ARK2C: variants seen among roughly 807,000 people sequenced by gnomAD.
ARK2C encodes arkadia (RNF111) C-terminal like ring finger ubiquitin ligase 2C.
At chr18:46,361,164 C>G in the ARK2C span, among the ~76,000 whole-genome samples, 1 of 152,116 alleles carries the variant, frequency 6.6e-6, no homozygotes, top group Non-Finnish European at 1.5e-5. Flanking sequence ...TGAGTCTTTT[C>G]TAGTAATACC....
At chr18:46,340,346 C>T in the ARK2C span, among the ~76,000 whole-genome samples, 1 of 152,172 alleles carries the variant, frequency 6.6e-6, no homozygotes, top group African/African-American at 2.4e-5. Context: ...TCATGCAATG[C>T]CTGTACTTCA....
At chr18:46,361,943 A>G in the ARK2C span, among the ~76,000 whole-genome samples, 1 of 152,262 alleles carries the variant, frequency 6.6e-6, no homozygotes, top group Non-Finnish European at 1.5e-5. Flanking sequence ...CCCCACTTAC[A>G]GAAATTAAGA....
chr18:46,432,808 G>A, the ARK2C span, among the ~76,000 whole-genome samples: 3 of 152,176 alleles, frequency 2.0e-5, no homozygotes, highest in Non-Finnish European at 2.9e-5. Context: ...AGCCGGGCGC[G>A]GTGGCGGGCG....
the ARK2C span, among the ~76,000 whole-genome samples, chr18:46,383,550 GTTTTTTTTTTTTT>G: frequency 1.0e-5 from 1 of 97,892 alleles, no homozygotes; most frequent in Non-Finnish European, 2.0e-5. Flanking sequence ...GGTTTTCTCT[GTTTTTTTTTTTTT>G]TTTTTTTTTG....
the ARK2C span, among the ~76,000 whole-genome samples, chr18:46,366,243 G>A: frequency 8.0e-6 from 1 of 124,648 alleles, no homozygotes; most frequent in East Asian, 2.7e-4. Flanking sequence ...AGTGAGCCAA[G>A]ATCACGCCAG....
At chr18:46,394,369 C>T in the ARK2C span, among the ~76,000 whole-genome samples, 2 of 152,126 alleles carry the variant, frequency 1.3e-5, no homozygotes, top group African/African-American at 2.4e-5. Context: ...GCCAGGTGTC[C>T]CTGAAATGTA....
At chr18:46,339,727 A>G in the ARK2C span, among the ~76,000 whole-genome samples, 2 of 152,240 alleles carry the variant, frequency 1.3e-5, no homozygotes, top group African/African-American at 4.8e-5. Context: ...CACTAAGTTA[A>G]TGAGTTTTCT....
the ARK2C span, among the ~76,000 whole-genome samples, chr18:46,367,862 A>G: frequency 6.6e-6 from 1 of 152,168 alleles, no homozygotes; most frequent in Admixed American, 6.5e-5. Flanking sequence ...CTGGATATTC[A>G]TTGCAGTTGG....
chr18:46,422,832 T>C, the ARK2C span, among the ~76,000 whole-genome samples: 1 of 152,222 alleles, frequency 6.6e-6, no homozygotes, highest in Non-Finnish European at 1.5e-5. Context: ...TCTGCAGTGA[T>C]AAGGAACTTT....
the ARK2C span, chr18:46,456,584 A>G: frequency 1.9e-6 from 3 of 1,614,118 alleles, no homozygotes; most frequent in South Asian, 3.3e-5. Flanking sequence ...ATGAGCAAGA[A>G]ATGCCCCATC....
At chr18:46,457,316 G>C in the ARK2C span, 5 of 152,348 alleles carry the variant, frequency 3.3e-5, no homozygotes, top group South Asian at 2.1e-4. Flanking sequence ...GAGGCGGGAG[G>C]GGGGGGTTCT....
At chr18:46,365,089 T>C in the ARK2C span, among the ~76,000 whole-genome samples, 1,408 of 152,326 alleles carry the variant, frequency 9.2e-3, 16 homozygotes, top group African/African-American at 0.029. Flanking sequence ...TCCTGCTTTA[T>C]CACCATTCCC....
At chr18:46,355,874 G>A in the ARK2C span, among the ~76,000 whole-genome samples, 1 of 152,186 alleles carries the variant, frequency 6.6e-6, no homozygotes, top group Admixed American at 6.5e-5. Flanking sequence ...TGCCATGTTG[G>A]GTATGTGACT....
At chr18:46,386,256 G>A in the ARK2C span, 1 of 152,204 alleles carries the variant, frequency 6.6e-6, no homozygotes, top group African/African-American at 2.4e-5. Flanking sequence ...TCTGTAGACT[G>A]TCCGACACCC....
chr18:46,424,540 G>C, the ARK2C span, among the ~76,000 whole-genome samples: 8 of 152,186 alleles, frequency 5.3e-5, no homozygotes, highest in Admixed American at 5.2e-4. Flanking sequence ...TCTCAGGTCT[G>C]CTCTGTCCAG....
At chr18:46,352,579 C>T in the ARK2C span, among the ~76,000 whole-genome samples, 1 of 152,168 alleles carries the variant, frequency 6.6e-6, no homozygotes. Context: ...TCTTGTTGCT[C>T]CACCCTCCCT....
At chr18:46,342,835 C>T in the ARK2C span, among the ~76,000 whole-genome samples, 1 of 152,298 alleles carries the variant, frequency 6.6e-6, no homozygotes, top group Non-Finnish European at 1.5e-5. Context: ...CATAGGAGTC[C>T]ATCCCTCTGT....
At chr18:46,400,714 CCT>C in the ARK2C span, among the ~76,000 whole-genome samples, 1 of 152,132 alleles carries the variant, frequency 6.6e-6, no homozygotes. Flanking sequence ...TGTCGGGAAG[CCT>C]CTGTTGTCTC....
At chr18:46,430,389 C>A in the ARK2C span, among the ~76,000 whole-genome samples, 1 of 152,132 alleles carries the variant, frequency 6.6e-6, no homozygotes, top group Non-Finnish European at 1.5e-5. Context: ...GCTTCAGAAC[C>A]ACCTCTTTGC....
Sources: allele counts gnomAD v4.1 joint callset (sites outside exome capture counted in the v4.1 genomes callset), GRCh38; gene constraint gnomAD v4.1.1; transcripts MANE v1.5; gene names NCBI Gene and HGNC (gene_info 2026-07-23, HGNC 2026-07-21).